Variants in TMEM59 observed in about 807,000 individuals in gnomAD.
TMEM59 encodes the protein dendritic cell factor 1.
A neutral mutation model predicts 42.2 loss-of-function variants in TMEM59; 44 were observed. The observed-to-expected ratio is 1.04, with a 90% confidence interval of 0.82 to 1.34. TMEM59 has a LOEUF of 1.34. Among genes scored for constraint, TMEM59 ranks in the 40% most tolerant of loss-of-function variants. TMEM59 has a pLI of 0.00. For missense variants in TMEM59, 359 were observed against 382.8 expected (o/e 0.94, Z 0.52); for synonymous variants, 148 against 145.8 (o/e 1.02, Z -0.11).
At position 54,053,136 on chromosome 1, in the gene TMEM59, G is replaced by A. The variant is rs776997328; in HGVS notation, c.53C>T (p.Pro18Leu). The A allele has an allele frequency of 3.1e-6, 5 of 1,614,128 alleles. No individual in the cohort carries two copies. In the South Asian group the frequency reaches 3.3e-5, roughly 11 times the overall value. ...LWVRTQLGLPPLLLLTMALAG... is the reference protein window; with the variant it reads ...LWVRTQLGLPLLLLLTMALAG... The stretch of plus-strand genomic sequence containing the variant: ...CAAGGCCATGGTCAGCAGCAGCAGC[G>A]GCGGGAGCCCCAGTTGGGTCCTCAC... Residue 18 changes from proline (P) to leucine (L), a missense_variant, in exon 1 of 8, where the codon CCG (proline) becomes CTG (leucine). Physicochemically the swap from Pro to Leu is moderately conservative, Grantham distance 98 (BLOSUM62 -3). Transcript: ENST00000234831.
intron 7 of TMEM59, chr1:54,033,079 C>G (rs1030512143): frequency 1.3e-5 from 2 of 152,316 alleles, no homozygotes; most frequent in African/African-American, 4.8e-5. Flanking sequence ...AGGCATGCAC[C>G]ACCATGCCCA....
intron 7 of TMEM59, 48 bp downstream of exon 7, chr1:54,036,557 TTAAAA>T: frequency 1.5e-6 from 2 of 1,357,050 alleles, no homozygotes; most frequent in Non-Finnish European, 2.0e-6. Flanking sequence ...AATAAGGTGT[TTAAAA>T]TGATATATCA....
chr1:54,040,929 T>C (rs1473817753), intron 5 of TMEM59, 92 bp from the exon 6 acceptor site: 1 of 995,408 alleles, frequency 1.0e-6, no homozygotes, highest in Non-Finnish European at 1.5e-6. Context: ...TTTACAGATA[T>C]CCAATTGTTT....
chr1:54,040,400 G>A (rs1323231560), intron 6 of TMEM59, among the ~76,000 whole-genome samples: 2 of 152,094 alleles, frequency 1.3e-5, no homozygotes, highest in African/African-American at 2.4e-5. Context: ...CGATCCACCC[G>A]CCTTGGCCTC....
chr1:54,047,497 G>T, intron 1 of TMEM59, 125 bp from the exon 2 acceptor site: 1 of 739,700 alleles, frequency 1.4e-6, no homozygotes, highest in Non-Finnish European at 2.2e-6. Flanking sequence ...TTTCATAACT[G>T]AAAGAAAAAA....
intron 1 of TMEM59, among the ~76,000 whole-genome samples, chr1:54,049,809 T>G (rs1657467783): frequency 6.6e-6 from 1 of 152,166 alleles, no homozygotes; most frequent in Non-Finnish European, 1.5e-5. Context: ...CAAGACCCTG[T>G]TTCAATTATT....
chr1:54,039,948 G>A (rs1010401223), intron 6 of TMEM59, among the ~76,000 whole-genome samples: 3 of 151,950 alleles, frequency 2.0e-5, no homozygotes, highest in Non-Finnish European at 4.4e-5. Flanking sequence ...TTTTTCCTAG[G>A]AGGGCATATG....
chr1:54,029,902 C>A lies in TMEM59; in HGVS notation c.*2248G>T, dbSNP rs182120788. ...GCTGATGATACTCAAATGCAAACAT[C>A]AGTCTGGCTTAATTATGCTAAAAAA... On this transcript the variant is annotated 3_prime_UTR_variant, in exon 8 of 8. Coordinates refer to ENST00000234831, the MANE Select transcript of TMEM59 (RefSeq NM_004872.5). 6.6e-6 allele frequency: 1 copy of A among 152,288 alleles called. No homozygotes were observed. The highest frequency in any genetic ancestry group is 6.5e-5 in the Admixed American group (1 of 15,290). 9.4% of individuals were successfully genotyped at this position (152,288 alleles called of 1,614,324 possible).
chr1:54,053,141 G>C lies in TMEM59; in HGVS notation c.48C>G (p.Leu16=). The change falls in exon 1 of 8, where the codon CTC becomes CTG. Residue 16 remains leucine (L), a synonymous_variant. Coordinates refer to ENST00000234831, the MANE Select transcript of TMEM59 (RefSeq NM_004872.5). Reference sequence around the variant, plus strand: ...CCATGGTCAGCAGCAGCAGCGGCGGGAGCCCCAGTTGGGTCCTCACCCAGA... The same window carrying C: ...CCATGGTCAGCAGCAGCAGCGGCGGCAGCCCCAGTTGGGTCCTCACCCAGA... ...GSLWVRTQLG[L]PPLLLLTMAL... is the part of the protein sequence containing the mutation. 2 of 1,614,242 alleles carry C rather than the reference G, an allele frequency of 1.2e-6. No homozygotes were observed. The highest frequency in any genetic ancestry group is 1.1e-5 in the South Asian group (1 of 91,088).
chr1:54,039,106 C>G (rs1657051952), intron 6 of TMEM59, among the ~76,000 whole-genome samples: 1 of 152,142 alleles, frequency 6.6e-6, no homozygotes, highest in South Asian at 2.1e-4. Context: ...CCTTGGCCTT[C>G]CAAAGTGCTG....
rs1169383175 is a variant in TMEM59 at position 54,029,231 on chromosome 1, A to G, written c.*2919T>C. 2 of 152,158 alleles carry G rather than the reference A, an allele frequency of 1.3e-5. No homozygotes were observed. The highest frequency in any genetic ancestry group is 2.9e-5 in the Non-Finnish European group (2 of 68,030). 9.4% of individuals were successfully genotyped at this position (152,158 alleles called of 1,614,324 possible). A position where few individuals can be genotyped will look rare whatever the true frequency, so the allele number is the denominator to read the frequency against. On this transcript the variant is annotated 3_prime_UTR_variant, in exon 8 of 8. Transcript: ENST00000234831. ...ATAAGATTGACCAGATCATCTAGTA[A>G]TTTCTGATTTACTACAAAACATATC... is the stretch of plus-strand genomic sequence containing the variant.
At chr1:54,040,905 C>A in intron 5 of TMEM59, 68 bp from the exon 6 acceptor site, 1 of 1,206,868 alleles carries the variant, frequency 8.3e-7, no homozygotes, top group Middle Eastern at 2.3e-4. Flanking sequence ...ATGACTACTT[C>A]TAGATATATA....
At chr1:54,041,894 T>C (rs1043463066) in intron 4 of TMEM59, 89 bp from the exon 5 acceptor site, 1 of 999,592 alleles carries the variant, frequency 1.0e-6, no homozygotes, top group Non-Finnish European at 1.5e-6. Context: ...TCTTTAAACA[T>C]TTAAATTGAG....
rs1656636327 is a variant in TMEM59 at position 54,027,497 on chromosome 1, A to C, written c.*4653T>G. On this transcript the variant is annotated 3_prime_UTR_variant, in exon 8 of 8. Coordinates refer to ENST00000234831, the MANE Select transcript of TMEM59 (RefSeq NM_004872.5). Reference sequence around the variant, plus strand: ...CTTAATAGTGAAATAGGGTGGGTGCAGTGGCTCATGCCTGCAATCCAAACA... The same window carrying C: ...CTTAATAGTGAAATAGGGTGGGTGCCGTGGCTCATGCCTGCAATCCAAACA... 6.6e-6 allele frequency: 1 copy of C among 152,202 alleles called. No homozygotes were observed. The highest frequency in any genetic ancestry group is 6.5e-5 in the Admixed American group (1 of 15,274). The allele number at this position is 152,202 out of a possible 1,614,324, so 9.4% of individuals were successfully genotyped here. A position where few individuals can be genotyped will look rare whatever the true frequency, so the allele number is the denominator to read the frequency against.
chr1:54,027,348 T>C lies in TMEM59; in HGVS notation c.*4802A>G, dbSNP rs1450170601. 1.3e-5 allele frequency: 2 copies of C among 152,234 alleles called. No homozygotes were observed. Among genetic ancestry groups the C allele is most frequent in the Non-Finnish European group, 1.5e-5 (1 of 68,042 alleles). The allele number at this position is 152,234 out of a possible 1,614,324, so 9.4% of individuals were successfully genotyped here. A position where few individuals can be genotyped will look rare whatever the true frequency, so the allele number is the denominator to read the frequency against. On this transcript the variant is annotated 3_prime_UTR_variant, in exon 8 of 8. Coordinates refer to ENST00000234831, the MANE Select transcript of TMEM59 (RefSeq NM_004872.5). ...AGTTTCCTTTGCGATCCTTTATATT[T>C]AGTTTTATGCTTTGAAAACATTACT...
In TMEM59 at chr1:54,032,132, C is replaced by T; in HGVS notation, c.*18G>A. The stretch of plus-strand genomic sequence containing the variant: ...AATTTTAGATGTCTATTACACTTGT[C>T]TTTTAAAAGAAAAATGCTTAAATTT... On this transcript the variant is annotated 3_prime_UTR_variant, in exon 8 of 8. Transcript: ENST00000234831. 6.2e-7 allele frequency: 1 copy of T among 1,601,726 alleles called. No homozygotes were observed. The highest frequency in any genetic ancestry group is 8.5e-7 in the Non-Finnish European group (1 of 1,174,476).
In TMEM59 at chr1:54,053,029, A is replaced by C; in HGVS notation, c.160T>G (p.Leu54Val). The change falls in exon 1 of 8, where the codon TTG becomes GTG. Residue 54 changes from leucine (L) to valine (V), a missense_variant. Coordinates refer to ENST00000234831, the MANE Select transcript of TMEM59 (RefSeq NM_004872.5). ...DTASCHRACQLTYPLHTYPKE... is the reference protein window; with the variant it reads ...DTASCHRACQVTYPLHTYPKE... The stretch of plus-strand genomic sequence containing the variant: ...GGGTAGGTGTGCAAGGGGTAGGTCA[A>C]CTGACAGGCCCGGTGGCAAGACGCC... 3 of 1,614,120 alleles carry C rather than the reference A, an allele frequency of 1.9e-6. No individual in the cohort carries two copies. In the South Asian group the frequency reaches 3.3e-5, roughly 18 times the overall value.
rs549305916 is a variant in TMEM59, at chr1:54,027,262, A to G, written c.*4888T>C. The G allele has an allele frequency of 6.6e-6, 1 of 152,374 alleles. No homozygotes were observed. 9.4% of individuals were successfully genotyped at this position (152,374 alleles called of 1,614,324 possible). ...CCATGCAGTCTTATTTTGTGTTAACAGAATATGTATGTTACTGGATCATAA... is the reference window on the plus strand; with the variant it reads ...CCATGCAGTCTTATTTTGTGTTAACGGAATATGTATGTTACTGGATCATAA... On this transcript the variant is annotated 3_prime_UTR_variant, in exon 8 of 8. Coordinates refer to ENST00000234831, the MANE Select transcript of TMEM59 (RefSeq NM_004872.5).
rs187575675 is a variant in TMEM59 at position 54,043,586 on chromosome 1, A to T, written c.391-61T>A. ...TTTATATATGTATATTCAAAAGAAC[A>T]ATATAATCAAGATTACTCCAATCCT... On this transcript the variant is annotated intron_variant, in intron 3 of 7. Coordinates refer to ENST00000234831, the MANE Select transcript of TMEM59 (RefSeq NM_004872.5). 5.3e-3 allele frequency: 6,074 copies of T among 1,142,388 alleles called. 40 individuals carry two copies. The highest frequency in any genetic ancestry group is 0.033 in the Middle Eastern group (105 of 3,180). 70.8% of individuals were successfully genotyped at this position (1,142,388 alleles called of 1,614,324 possible). A position where few individuals can be genotyped will look rare whatever the true frequency, so the allele number is the denominator to read the frequency against.
Sources: gnomAD v4.1 joint callset for allele counts (sites outside exome capture counted in the v4.1 genomes callset) on GRCh38, gnomAD v4.1.1 for gene constraint, MANE v1.5 for transcripts, NCBI Gene and HGNC (gene_info 2026-07-23, HGNC 2026-07-21) for gene names.